MDGA2: variants seen among roughly 807,000 people sequenced by gnomAD.
MDGA2 encodes the protein MAM domain containing glycosylphosphatidylinositol anchor 2, also known as MAM domain-containing glycosylphosphatidylinositol anchor protein 2.
A neutral mutation model predicts 117.8 loss-of-function variants in MDGA2; 40 were observed. That is an observed-to-expected ratio of 0.34 (90% CI 0.26 to 0.44). MDGA2 has a LOEUF of 0.44. Ranked by LOEUF, MDGA2 falls within the 20% of genes least tolerant of loss-of-function variation. The probability of loss-of-function intolerance (pLI) is 1.00; values close to 1 mark genes in which losing one functional copy is unlikely to be tolerated. For missense variants in MDGA2, 1,123 were observed against 1,250.6 expected, an observed-to-expected ratio of 0.90 and a Z score of 1.54; for synonymous variants, 452 against 439.0, an observed-to-expected ratio of 1.03 and a Z score of -0.37.
At chr14:47,108,208 G>C (rs1032872546) in intron 5 of MDGA2, among the ~76,000 whole-genome samples, 2 of 152,140 alleles carry the variant, frequency 1.3e-5, no homozygotes, top group African/African-American at 4.8e-5. Flanking sequence ...GAATGCTACA[G>C]GGTACAGCCC....
intron 8 of MDGA2, among the ~76,000 whole-genome samples, chr14:46,977,437 C>A (rs1332667017): frequency 6.6e-6 from 1 of 151,674 alleles, no homozygotes; most frequent in Non-Finnish European, 1.5e-5. Context: ...GAATAAGTAA[C>A]CCTAACTATA....
At chr14:46,962,006 G>A (rs1383450091) in intron 8 of MDGA2, among the ~76,000 whole-genome samples, 1 of 152,124 alleles carries the variant, frequency 6.6e-6, no homozygotes, top group Non-Finnish European at 1.5e-5. Context: ...TCAAAGTACT[G>A]TCTTCCTGTG....
intron 4 of MDGA2, among the ~76,000 whole-genome samples, chr14:47,143,670 A>C (rs1882817369): frequency 6.6e-6 from 1 of 152,154 alleles, no homozygotes; most frequent in South Asian, 2.1e-4. Context: ...AAGCCAAATA[A>C]ATTTCAAACA....
chr14:47,566,298 T>C (rs894649960), intron 1 of MDGA2, among the ~76,000 whole-genome samples: 2 of 152,240 alleles, frequency 1.3e-5, no homozygotes, highest in Non-Finnish European at 2.9e-5. Flanking sequence ...CAATTGGGCA[T>C]CCAAGGCTGT....
At chr14:47,457,821 T>G (rs547197968) in intron 1 of MDGA2, among the ~76,000 whole-genome samples, 274 of 151,624 alleles carry the variant, frequency 1.8e-3, no homozygotes, top group Middle Eastern at 3.4e-3. Flanking sequence ...TGTTTTTTTT[T>G]TTTGTTTGTT....
At chr14:47,154,544 C>A (rs1883291710) in intron 3 of MDGA2, among the ~76,000 whole-genome samples, 1 of 152,200 alleles carries the variant, frequency 6.6e-6, no homozygotes, top group Non-Finnish European at 1.5e-5. Flanking sequence ...GAAGTGCCTG[C>A]TCCCACTGCC....
chr14:47,231,453 G>C (rs1886686240), intron 2 of MDGA2, among the ~76,000 whole-genome samples: 1 of 152,046 alleles, frequency 6.6e-6, no homozygotes, highest in Admixed American at 6.6e-5. Flanking sequence ...GATGTTAAGA[G>C]ACATTGACTC....
chr14:47,161,256 G>A (rs558566425), intron 3 of MDGA2, among the ~76,000 whole-genome samples: 1 of 151,690 alleles, frequency 6.6e-6, no homozygotes, highest in African/African-American at 2.4e-5. Context: ...AAATAATTAC[G>A]GCATTTTGAG....
chr14:47,119,853 T>C lies in MDGA2; in HGVS notation c.925+11861A>G, dbSNP rs546612370. 3.9e-5 allele frequency among the ~76,000 whole-genome samples: 6 copies of C among 152,306 alleles called. No homozygotes were observed. The South Asian group carries it at 1.2e-3, about 32-fold the overall frequency. On this transcript the variant is annotated intron_variant, in intron 5 of 16. Transcript: ENST00000399232. ...CCAATAGCTTTGTTTATATCTTTCC[T>C]GTGGTGCCTAATATTTTCTCTCTTC...
chr14:47,174,898 C>T (rs191723670), intron 3 of MDGA2, among the ~76,000 whole-genome samples: 9 of 152,058 alleles, frequency 5.9e-5, no homozygotes, highest in African/African-American at 1.9e-4. Flanking sequence ...TCATAGACTG[C>T]TTGCAAGACT....
chr14:47,186,733 T>C (rs1435501767), intron 3 of MDGA2, among the ~76,000 whole-genome samples: 2 of 151,974 alleles, frequency 1.3e-5, no homozygotes, highest in African/African-American at 2.4e-5. Context: ...TTAACTGTCA[T>C]TGAAACCTCT....
chr14:46,988,987 C>T (rs1255995056), intron 8 of MDGA2, among the ~76,000 whole-genome samples: 5 of 151,950 alleles, frequency 3.3e-5, no homozygotes, highest in Non-Finnish European at 7.4e-5. Flanking sequence ...AAAGCATATC[C>T]ATGGCATAAG....
intron 5 of MDGA2, among the ~76,000 whole-genome samples, chr14:47,104,014 T>C (rs773626069): frequency 6.6e-6 from 1 of 152,200 alleles, no homozygotes; most frequent in Non-Finnish European, 1.5e-5. Flanking sequence ...TGCATGACTC[T>C]CCTTGTCTTA....
At chr14:47,459,867 A>G (rs1217085470) in intron 1 of MDGA2, among the ~76,000 whole-genome samples, 1 of 152,158 alleles carries the variant, frequency 6.6e-6, no homozygotes. Flanking sequence ...TTATTTTCAG[A>G]GTAGTGACCA....
At chr14:46,850,410 T>C (rs1881012159) in intron 15 of MDGA2, among the ~76,000 whole-genome samples, 1 of 151,808 alleles carries the variant, frequency 6.6e-6, no homozygotes, top group African/African-American at 2.4e-5. Context: ...TTTGCCTTCA[T>C]TGTTAATGGT....
chr14:47,621,094 G>A (rs949225360), intron 1 of MDGA2, among the ~76,000 whole-genome samples: 1 of 152,090 alleles, frequency 6.6e-6, no homozygotes, highest in Non-Finnish European at 1.5e-5. Context: ...TGATCTTTAT[G>A]CCTGAATACA....
At chr14:46,864,603 CAAAAA>C (rs61055938) in intron 14 of MDGA2, among the ~76,000 whole-genome samples, 5 of 73,406 alleles carry the variant, frequency 6.8e-5, no homozygotes, top group East Asian at 4.1e-4. Flanking sequence ...AACCCTGTGT[CAAAAA>C]AAAAAAAAAA....
chr14:46,982,734 A>AAAAAT (rs1449356596), intron 8 of MDGA2, among the ~76,000 whole-genome samples: 9 of 130,326 alleles, frequency 6.9e-5, no homozygotes, highest in Non-Finnish European at 1.5e-4. Flanking sequence ...AAAAAAAAAA[A>AAAAAT]AATCATGTCA....
At chr14:47,004,683 T>C (rs1273498887) in intron 8 of MDGA2, among the ~76,000 whole-genome samples, 1 of 151,760 alleles carries the variant, frequency 6.6e-6, no homozygotes, top group Non-Finnish European at 1.5e-5. Context: ...TTAAAAACAA[T>C]ATTGAATATC....
Sources: allele counts gnomAD v4.1 joint callset (sites outside exome capture counted in the v4.1 genomes callset), GRCh38; gene constraint gnomAD v4.1.1; transcripts MANE v1.5; gene names NCBI Gene and HGNC (gene_info 2026-07-23, HGNC 2026-07-21).